Variants in CRYM observed in about 807,000 individuals in gnomAD.
CRYM encodes ketimine reductase mu-crystallin.
CRYM carries 18 observed loss-of-function variants against 32.9 expected under a neutral mutation model. The observed-to-expected ratio is 0.55, with a 90% CI of 0.38 to 0.81. The LOEUF (loss-of-function observed/expected upper bound fraction) is 0.81, where lower values mean the gene tolerates loss of function less well. Among genes scored for constraint, CRYM ranks in the 30% least tolerant of loss-of-function variants. CRYM has a pLI of 0.00. For synonymous variants in CRYM, 153 were observed against 152.4 expected (o/e 1.00, Z -0.03); for missense variants, 337 against 393.5 (o/e 0.86, Z 1.21).
intron 1 of CRYM, among the ~76,000 whole-genome samples, chr16:21,298,633 C>A (rs1457849742): frequency 6.6e-6 from 1 of 151,906 alleles, no homozygotes; most frequent in Non-Finnish European, 1.5e-5. Context: ...AAAAAGGGAA[C>A]TGTTAGGGAA....
At position 21,286,925 on chromosome 16, in the gene CRYM, CTAAAAA is replaced by C. The variant is rs544073039; in HGVS notation, c.-192-7971_-192-7966del. ...CTAACACGGTGAAACCCCATCTCTACTAAAAATACAAAAAATTAGCTGGGCGTGGTG... is the reference window on the plus strand; with the variant it reads ...CTAACACGGTGAAACCCCATCTCTACTACAAAAAATTAGCTGGGCGTGGTG... On this transcript the variant is annotated intron_variant, in intron 1 of 9. Coordinates refer to the CRYM transcript ENST00000219599. Among the ~76,000 whole-genome samples, 5 of 151,948 alleles carry C rather than the reference CTAAAAA, an allele frequency of 3.3e-5. No individual in the cohort carries two copies. In the South Asian group the frequency reaches 8.3e-4, roughly 25 times the overall value.
chr16:21,276,239 T>C (rs1051068854), intron 2 of CRYM, among the ~76,000 whole-genome samples: 5 of 152,172 alleles, frequency 3.3e-5, no homozygotes, highest in African/African-American at 1.2e-4. Flanking sequence ...ATCAACCTCA[T>C]TTTACAGATG....
At chr16:21,300,966 G>T (rs1317791933) in intron 1 of CRYM, 1 of 152,394 alleles carries the variant, frequency 6.6e-6, no homozygotes, top group Non-Finnish European at 1.5e-5. Flanking sequence ...GGGCGCAGAT[G>T]AAGCGGGCTG....
intron 1 of CRYM, among the ~76,000 whole-genome samples, chr16:21,285,412 C>T (rs1274721952): frequency 2.0e-5 from 3 of 152,270 alleles, no homozygotes; most frequent in African/African-American, 7.2e-5. Context: ...CTTGAGTTCC[C>T]AAAATATACT....
At chr16:21,279,578 TG>T (rs2093394556), upstream of CRYM, among the ~76,000 whole-genome samples, 1 of 152,152 alleles carries the variant, frequency 6.6e-6, no homozygotes, top group Non-Finnish European at 1.5e-5. Flanking sequence ...CAGCTGAGAA[TG>T]GTGATTCCTA....
chr16:21,261,741 G>C (rs2093354886), intron 6 of CRYM: 6 of 474,178 alleles, frequency 1.3e-5, no homozygotes, highest in Middle Eastern at 6.2e-4. Flanking sequence ...ACATTGGGAA[G>C]GTTTCCAGGC....
intron 1 of CRYM, among the ~76,000 whole-genome samples, chr16:21,286,340 C>T (rs2093407208): frequency 6.6e-6 from 1 of 151,742 alleles, no homozygotes; most frequent in Non-Finnish European, 1.5e-5. Flanking sequence ...GCCTCAGCCT[C>T]CCAAGTAGCT....
At chr16:21,288,358 C>T (rs964911093) in intron 1 of CRYM, among the ~76,000 whole-genome samples, 1 of 152,110 alleles carries the variant, frequency 6.6e-6, no homozygotes, top group South Asian at 2.1e-4. Context: ...AGAAATGTGT[C>T]CTTTTCATCT....
intron 1 of CRYM, among the ~76,000 whole-genome samples, chr16:21,290,815 C>T (rs763421632): frequency 1.3e-5 from 2 of 152,166 alleles, no homozygotes; most frequent in African/African-American, 2.4e-5. Context: ...ATTCCTTATC[C>T]TCTTTCCACT....
chr16:21,299,391 C>A (rs1282676808), intron 1 of CRYM, among the ~76,000 whole-genome samples: 1 of 152,052 alleles, frequency 6.6e-6, no homozygotes, highest in Non-Finnish European at 1.5e-5. Context: ...TCACTGCAAC[C>A]TCTGCTTCTT....
chr16:21,276,779 AACC>A (rs2093387506), intron 2 of CRYM, among the ~76,000 whole-genome samples: 1 of 152,232 alleles, frequency 6.6e-6, no homozygotes, highest in African/African-American at 2.4e-5. Flanking sequence ...TCTGAAGTCC[AACC>A]ATGCTAATTG....
intron 7 of CRYM, among the ~76,000 whole-genome samples, chr16:21,259,519 A>G (rs749694114): frequency 6.6e-6 from 1 of 152,216 alleles, no homozygotes; most frequent in Non-Finnish European, 1.5e-5. Flanking sequence ...CACAGCCAAC[A>G]GGTAAACAAA....
intron 6 of CRYM, chr16:21,261,782 A>T (rs1401393979): frequency 6.0e-6 from 3 of 504,064 alleles, no homozygotes; most frequent in Non-Finnish European, 1.1e-5. Context: ...ACTTCTTTAG[A>T]GGACAGCCCA....
chr16:21,296,344 C>A (rs549078720), intron 1 of CRYM, among the ~76,000 whole-genome samples: 1 of 152,190 alleles, frequency 6.6e-6, no homozygotes, highest in African/African-American at 2.4e-5. Context: ...GAAAAACAAT[C>A]AAATGGAAAT....
At position 21,258,556 on chromosome 16, in the gene CRYM, TA is replaced by T; in HGVS notation, c.*224del. 1.7e-6 allele frequency: 1 copy of T among 583,292 alleles called. No homozygotes were observed. Among genetic ancestry groups the T allele is most frequent in the South Asian group, 2.0e-5 (1 of 49,260 alleles). The allele number at this position is 583,292 out of a possible 1,614,324, so 36.1% of individuals were successfully genotyped here. On this transcript the variant is annotated 3_prime_UTR_variant, in exon 8 of 8. Coordinates refer to ENST00000572914, the MANE Select transcript of CRYM (RefSeq NM_001376256.1). The stretch of plus-strand genomic sequence containing the variant: ...GAATGTGCTTTATTTCAGGGAAATA[TA>T]AAGGGAAATGAATGCTATTATAACT...
chr16:21,293,205 C>A (rs760785484), intron 1 of CRYM, among the ~76,000 whole-genome samples: 1 of 152,140 alleles, frequency 6.6e-6, no homozygotes, highest in Non-Finnish European at 1.5e-5. Flanking sequence ...TTATTTGATA[C>A]CTAGCAAACA....
At chr16:21,284,571 T>C (rs2093404424) in intron 1 of CRYM, among the ~76,000 whole-genome samples, 2 of 151,920 alleles carry the variant, frequency 1.3e-5, no homozygotes, top group Non-Finnish European at 2.9e-5. Flanking sequence ...TTCTTTCTTT[T>C]TGTCTCCAGC....
upstream of CRYM, chr16:21,278,484 G>A (rs1329495449): frequency 1.7e-6 from 1 of 598,272 alleles, no homozygotes; most frequent in Non-Finnish European, 3.0e-6. Flanking sequence ...CCCCAAGATG[G>A]ACATCGCGGT....
At chr16:21,265,089 T>C (rs1333923808) in intron 5 of CRYM, among the ~76,000 whole-genome samples, 1 of 152,222 alleles carries the variant, frequency 6.6e-6, no homozygotes, top group Non-Finnish European at 1.5e-5. Context: ...TTTCTGAAGA[T>C]GCAGCCTTGG....
Sources: gnomAD v4.1 joint callset for allele counts (sites outside exome capture counted in the v4.1 genomes callset) on GRCh38, gnomAD v4.1.1 for gene constraint, MANE v1.5 for transcripts, NCBI Gene and HGNC (gene_info 2026-07-23, HGNC 2026-07-21) for gene names.